The following PTH2R variants were observed in gnomAD, a reference collection of about 807,000 sequenced individuals.
The protein encoded by PTH2R is parathyroid hormone 2 receptor, also known as PTH2 receptor.
A neutral mutation model predicts 60.3 loss-of-function variants in PTH2R; 59 were observed. The observed-to-expected ratio is 0.98, with a 90% CI of 0.79 to 1.22. PTH2R has a LOEUF of 1.22. Ranked by LOEUF, PTH2R falls within the 50% of genes most tolerant of loss-of-function variation. The pLI is 0.00. For synonymous variants in PTH2R, 256 were observed against 243.8 expected, an observed-to-expected ratio of 1.05 and a Z score of -0.47; for missense variants, 749 against 682.6, an observed-to-expected ratio of 1.10 and a Z score of -1.08.
intron 9 of PTH2R, among the ~76,000 whole-genome samples, chr2:208,462,599 G>T (rs1450168629): frequency 2.6e-5 from 4 of 152,182 alleles, no homozygotes; most frequent in Admixed American, 6.5e-5. Flanking sequence ...TTAAAACCTG[G>T]ATTCCAAGGA....
At chr2:208,432,859 C>T (rs1158498101) in intron 2 of PTH2R, among the ~76,000 whole-genome samples, 1 of 152,114 alleles carries the variant, frequency 6.6e-6, no homozygotes, top group Non-Finnish European at 1.5e-5. Flanking sequence ...CCTTCTTCCC[C>T]CTGCTTTGTT....
intron 4 of PTH2R, among the ~76,000 whole-genome samples, chr2:208,442,047 G>C (rs951399463): frequency 8.5e-5 from 13 of 152,178 alleles, no homozygotes; most frequent in Non-Finnish European, 1.5e-4. Flanking sequence ...GTAATCCTAA[G>C]AAGTCTAAGA....
Position 208,437,896 on chromosome 2 carries a change from C to T in PTH2R, c.411+15C>T. The T allele has an allele frequency of 6.2e-7, 1 of 1,604,494 alleles. No homozygotes were observed. The highest frequency in any genetic ancestry group is 8.5e-7 in the Non-Finnish European group (1 of 1,172,662). On this transcript the variant is annotated intron_variant, in intron 4 of 12. Transcript: ENST00000272847. ...GCATAGGAAAGGTAATGGAATTTCTCTATTTGTGAATTCCTAAGGGAAAGC... is the reference window on the plus strand; with the variant it reads ...GCATAGGAAAGGTAATGGAATTTCTTTATTTGTGAATTCCTAAGGGAAAGC...
chr2:208,380,544 CA>C (rs1700893640), intron 1 of PTH2R, among the ~76,000 whole-genome samples: 1 of 152,128 alleles, frequency 6.6e-6, no homozygotes, highest in African/African-American at 2.4e-5. Context: ...CCTATTTCAA[CA>C]AAGACTTTCT....
intron 10 of PTH2R, 108 bp from the exon 11 acceptor site, chr2:208,488,904 C>T: frequency 8.8e-7 from 1 of 1,135,030 alleles, no homozygotes; most frequent in Non-Finnish European, 1.2e-6. Context: ...AAGAAAGTGT[C>T]AGCCCCACCC....
At chr2:208,377,742 G>A (rs1334802374) in intron 1 of PTH2R, among the ~76,000 whole-genome samples, 1 of 151,580 alleles carries the variant, frequency 6.6e-6, no homozygotes, top group African/African-American at 2.4e-5. Flanking sequence ...ACGGGGTCGC[G>A]GCTGGGCAGA....
At chr2:208,398,733 C>T (rs1701255317) in intron 1 of PTH2R, among the ~76,000 whole-genome samples, 1 of 152,130 alleles carries the variant, frequency 6.6e-6, no homozygotes, top group South Asian at 2.1e-4. Context: ...TTTACTATCT[C>T]GATTTTGTGC....
At chr2:208,365,960 A>ATTT (rs1172950601) in intron 1 of PTH2R, among the ~76,000 whole-genome samples, 4 of 16,118 alleles carry the variant, frequency 2.5e-4, no homozygotes, top group African/African-American at 4.9e-4. Context: ...ATATATATAT[A>ATTT]TTTTTTTTTT....
chr2:208,376,019 A>G (rs776411074), intron 1 of PTH2R, among the ~76,000 whole-genome samples: 11 of 152,134 alleles, frequency 7.2e-5, no homozygotes, highest in African/African-American at 1.2e-4. Flanking sequence ...TCTTTCCCAC[A>G]CACATAATAA....
chr2:208,490,737 A>G (rs1038063380), intron 12 of PTH2R, 57 bp downstream of exon 12: 13 of 1,484,338 alleles, frequency 8.8e-6, no homozygotes, highest in South Asian at 1.3e-5. Flanking sequence ...GGCCATCACA[A>G]TGTATCCTGA....
intron 1 of PTH2R, among the ~76,000 whole-genome samples, chr2:208,370,768 C>A (rs1336128947): frequency 1.3e-5 from 2 of 151,876 alleles, no homozygotes; most frequent in Non-Finnish European, 2.9e-5. Flanking sequence ...CAATTTATAC[C>A]CACCTGTGTT....
At chr2:208,447,419 T>A (rs1702308562) in intron 7 of PTH2R, among the ~76,000 whole-genome samples, 1 of 151,834 alleles carries the variant, frequency 6.6e-6, no homozygotes, top group Non-Finnish European at 1.5e-5. Flanking sequence ...AATCCCTGCC[T>A]CTACTAAAAA....
chr2:208,481,304 G>A (rs542894440), intron 10 of PTH2R, 140 bp downstream of exon 10: 6,551 of 342,836 alleles, frequency 0.019, 86 homozygotes, highest in Middle Eastern at 0.054. Flanking sequence ...CTCGCCTCCC[G>A]GGTTCAAGCA....
upstream of PTH2R, among the ~76,000 whole-genome samples, chr2:208,405,213 A>AAT (rs1701379783): frequency 6.6e-6 from 1 of 152,174 alleles, no homozygotes; most frequent in South Asian, 2.1e-4. Context: ...TAAAACATTA[A>AAT]ATTATTTATT....
intron 8 of PTH2R, among the ~76,000 whole-genome samples, chr2:208,453,043 C>T (rs1459839432): frequency 1.3e-5 from 2 of 152,182 alleles, no homozygotes; most frequent in Non-Finnish European, 2.9e-5. Flanking sequence ...TGATTTAACA[C>T]ATCTGGTAAT....
intron 1 of PTH2R, among the ~76,000 whole-genome samples, chr2:208,370,201 C>T (rs975622095): frequency 2.6e-5 from 4 of 151,854 alleles, no homozygotes; most frequent in Admixed American, 6.5e-5. Flanking sequence ...CACAGCACTT[C>T]GGGAGGCCGA....
At chr2:208,361,061 A>G in intron 1 of PTH2R, 1 of 202,426 alleles carries the variant, frequency 4.9e-6, no homozygotes. Flanking sequence ...GCGATGACAC[A>G]CAGCTGCCGC....
At chr2:208,413,103 A>G (rs1207722444) in intron 1 of PTH2R, among the ~76,000 whole-genome samples, 2 of 151,296 alleles carry the variant, frequency 1.3e-5, no homozygotes, top group African/African-American at 4.9e-5. Flanking sequence ...ATATAAACAC[A>G]GATGTAGTTA....
chr2:208,394,341 T>TA (rs1471898126), intron 1 of PTH2R, among the ~76,000 whole-genome samples: 1 of 152,240 alleles, frequency 6.6e-6, no homozygotes, highest in Non-Finnish European at 1.5e-5. Flanking sequence ...GACAATCTGT[T>TA]ACTCATCTAG....
Sources: gnomAD v4.1 joint callset for allele counts (sites outside exome capture counted in the v4.1 genomes callset) on GRCh38, gnomAD v4.1.1 for gene constraint, MANE v1.5 for transcripts, NCBI Gene and HGNC (gene_info 2026-07-23, HGNC 2026-07-21) for gene names.